RALYL: variants seen among roughly 807,000 people sequenced by gnomAD.
The protein encoded by RALYL is RNA-binding Raly-like protein.
In RALYL, 29 loss-of-function variants were observed where a neutral mutation model predicts 35.1. The observed-to-expected ratio is 0.83, with a 90% CI of 0.61 to 1.13. RALYL has a LOEUF of 1.13. Among genes scored for constraint, RALYL ranks in the 50% most tolerant of loss-of-function variants. The pLI is 0.00. For missense variants in RALYL, 359 were observed against 360.4 expected (o/e 1.00, Z 0.03); for synonymous variants, 120 against 127.6 (o/e 0.94, Z 0.40).
chr8:84,302,861 G>T (rs1399584417), intron 1 of RALYL, among the ~76,000 whole-genome samples: 3 of 152,114 alleles, frequency 2.0e-5, no homozygotes, highest in Non-Finnish European at 2.9e-5. Context: ...TTCTATTTCT[G>T]CTCTGGCAGA....
chr8:84,601,984 C>T (rs186818382), intron 2 of RALYL, among the ~76,000 whole-genome samples: 3 of 152,202 alleles, frequency 2.0e-5, no homozygotes, highest in Non-Finnish European at 4.4e-5. Flanking sequence ...TACATCTTAA[C>T]GCTATTTCCC....
intron 1 of RALYL, among the ~76,000 whole-genome samples, chr8:84,498,679 T>C (rs912269818): frequency 6.6e-6 from 1 of 152,140 alleles, no homozygotes; most frequent in Admixed American, 6.6e-5. Context: ...CTTATTCACA[T>C]CCACATGAAA....
chr8:84,527,642 A>C (rs1017894809), intron 1 of RALYL, among the ~76,000 whole-genome samples: 1 of 152,222 alleles, frequency 6.6e-6, no homozygotes, highest in Non-Finnish European at 1.5e-5. Context: ...TTGTTTCATT[A>C]ATTCTCAGAG....
intron 1 of RALYL, among the ~76,000 whole-genome samples, chr8:84,508,759 C>T (rs756050028): frequency 7.9e-5 from 12 of 151,852 alleles, no homozygotes; most frequent in Non-Finnish European, 1.2e-4. Flanking sequence ...GAGAATACAA[C>T]GTTGTTAAAC....
intron 1 of RALYL, among the ~76,000 whole-genome samples, chr8:84,339,829 T>G (rs941100882): frequency 1.3e-5 from 2 of 152,098 alleles, no homozygotes. Flanking sequence ...CGAAATCTAG[T>G]GCTTCCTCCA....
chr8:84,381,647 G>T (rs1352371870), intron 1 of RALYL, among the ~76,000 whole-genome samples: 2 of 151,700 alleles, frequency 1.3e-5, no homozygotes, highest in Non-Finnish European at 2.9e-5. Flanking sequence ...CAAATGTTTG[G>T]TGTGCATGCT....
rs567990907 is a variant in RALYL, at chr8:84,513,387, G to T, written c.-23-15912G>T. On this transcript the variant is annotated intron_variant, in intron 1 of 8. Transcript: ENST00000521268. ...CTGTTAGCAATTTTTGTAGCTATTT[G>T]TCAGATTTGGTTAAGATTCTTGTTC... Among the ~76,000 whole-genome samples, 43 of 151,940 alleles carry T rather than the reference G, an allele frequency of 2.8e-4. 2 individuals are homozygous for T. The South Asian group carries it at 8.7e-3, about 31-fold the overall frequency.
At chr8:84,887,482 A>G in intron 7 of RALYL, 122 bp from the exon 8 acceptor site, 2 of 699,986 alleles carry the variant, frequency 2.9e-6, no homozygotes, top group Non-Finnish European at 2.2e-6. Flanking sequence ...ATATTACCTT[A>G]CCTTCTGTAC....
At chr8:84,871,792 GAA>G (rs1452017208) in intron 6 of RALYL, among the ~76,000 whole-genome samples, 1 of 152,094 alleles carries the variant, frequency 6.6e-6, no homozygotes, top group African/African-American at 2.4e-5. Flanking sequence ...TTGACAATGG[GAA>G]AAGTTTTCTC....
At chr8:84,904,731 G>A (rs1846201601) in intron 8 of RALYL, among the ~76,000 whole-genome samples, 1 of 152,056 alleles carries the variant, frequency 6.6e-6, no homozygotes, top group Non-Finnish European at 1.5e-5. Flanking sequence ...AATTGCATTG[G>A]TTAAAAGTAA....
chr8:84,653,180 T>C (rs917531020), intron 2 of RALYL, among the ~76,000 whole-genome samples: 1 of 152,086 alleles, frequency 6.6e-6, no homozygotes, highest in Non-Finnish European at 1.5e-5. Context: ...CTGGGTAAGA[T>C]TGATTAATAA....
At chr8:84,596,873 T>C (rs774292573) in intron 2 of RALYL, among the ~76,000 whole-genome samples, 5 of 152,064 alleles carry the variant, frequency 3.3e-5, no homozygotes, top group Non-Finnish European at 4.4e-5. Context: ...GATTTGTATA[T>C]AGCAAATATG....
chr8:84,735,445 C>T (rs1847077026), intron 2 of RALYL, among the ~76,000 whole-genome samples: 1 of 152,012 alleles, frequency 6.6e-6, no homozygotes, highest in Admixed American at 6.6e-5. Flanking sequence ...GCTTCAGAAA[C>T]CACAGAGAGC....
intron 1 of RALYL, among the ~76,000 whole-genome samples, chr8:84,401,511 G>A (rs544855859): frequency 4.0e-5 from 6 of 151,518 alleles, no homozygotes; most frequent in South Asian, 2.1e-4. Context: ...GGTGGCGGGC[G>A]CCTGTAATCC....
intron 1 of RALYL, among the ~76,000 whole-genome samples, chr8:84,475,813 G>A (rs2068332610): frequency 6.6e-6 from 1 of 152,134 alleles, no homozygotes; most frequent in Non-Finnish European, 1.5e-5. Flanking sequence ...CAAATCTGTT[G>A]CATTAAGATT....
chr8:84,609,029 A>C (rs1817746834), intron 2 of RALYL, among the ~76,000 whole-genome samples: 1 of 152,130 alleles, frequency 6.6e-6, no homozygotes, highest in South Asian at 2.1e-4. Context: ...AAGTTGCTTC[A>C]AACCAGATTT....
intron 1 of RALYL, among the ~76,000 whole-genome samples, chr8:84,200,955 T>G (rs1816690675): frequency 6.6e-6 from 1 of 152,310 alleles, no homozygotes; most frequent in Admixed American, 6.5e-5. Flanking sequence ...AAATATTTCA[T>G]GAAAATTCAT....
At chr8:84,421,546 T>C in intron 1 of RALYL, among the ~76,000 whole-genome samples, 2 of 138,528 alleles carry the variant, frequency 1.4e-5, no homozygotes, top group Admixed American at 7.5e-5. Flanking sequence ...TATTTCCTTC[T>C]CCTGCCTAAT....
At chr8:84,246,613 C>A (rs1174627322) in intron 1 of RALYL, among the ~76,000 whole-genome samples, 1 of 152,020 alleles carries the variant, frequency 6.6e-6, no homozygotes, top group African/African-American at 2.4e-5. Flanking sequence ...TGGAAAAAAG[C>A]GCCTGTGGAT....
Sources: gnomAD v4.1 joint callset for allele counts (sites outside exome capture counted in the v4.1 genomes callset) on GRCh38, gnomAD v4.1.1 for gene constraint, MANE v1.5 for transcripts, NCBI Gene and HGNC (gene_info 2026-07-23, HGNC 2026-07-21) for gene names.